The following CFAP90 variants were observed in gnomAD, a reference collection of about 807,000 sequenced individuals.
CFAP90 encodes the protein cilia- and flagella-associated protein 90.
the CFAP90 span, among the ~76,000 whole-genome samples, chr5:7,833,671 A>G: frequency 6.6e-6 from 1 of 152,216 alleles, no homozygotes; most frequent in Non-Finnish European, 1.5e-5. Context: ...GCCTATATAC[A>G]TGCATACACA....
chr5:7,846,334 AACAAAAT>A, the CFAP90 span, among the ~76,000 whole-genome samples: 1 of 152,190 alleles, frequency 6.6e-6, no homozygotes, highest in African/African-American at 2.4e-5. Flanking sequence ...AGGCTGCTAT[AACAAAAT>A]ACCCATACGC....
chr5:7,844,216 A>G, the CFAP90 span, among the ~76,000 whole-genome samples: 1 of 152,152 alleles, frequency 6.6e-6, no homozygotes, highest in Non-Finnish European at 1.5e-5. Flanking sequence ...AGGTCACTGG[A>G]GAGTGAAAAT....
the CFAP90 span, among the ~76,000 whole-genome samples, chr5:7,842,346 C>A: frequency 6.6e-6 from 1 of 151,394 alleles, no homozygotes; most frequent in African/African-American, 2.4e-5. Flanking sequence ...AAAATTAATA[C>A]CTTTTGTCAT....
chr5:7,844,777 C>T, the CFAP90 span, among the ~76,000 whole-genome samples: 742 of 152,246 alleles, frequency 4.9e-3, 8 homozygotes, highest in African/African-American at 0.017. Context: ...CTTCCCCACA[C>T]AGCCCCCTTG....
At chr5:7,834,877 A>G in the CFAP90 span, among the ~76,000 whole-genome samples, 1 of 152,112 alleles carries the variant, frequency 6.6e-6, no homozygotes, top group African/African-American at 2.4e-5. Flanking sequence ...CAGTGACAAG[A>G]TCACCTAGCA....
chr5:7,850,785 TGCCC>T, the CFAP90 span: 2 of 1,065,470 alleles, frequency 1.9e-6, no homozygotes, highest in Admixed American at 8.8e-5. Flanking sequence ...CGCCCGCCCC[TGCCC>T]AGCCGCCCAG....
the CFAP90 span, chr5:7,851,013 G>T: frequency 7.9e-7 from 1 of 1,261,216 alleles, no homozygotes; most frequent in Non-Finnish European, 1.0e-6. Context: ...CCTCCTCGTC[G>T]TCCTCCATGC....
At chr5:7,835,541 G>T in the CFAP90 span, 1 of 1,241,032 alleles carries the variant, frequency 8.1e-7, no homozygotes, top group Admixed American at 1.9e-5. Context: ...TAATTTGAAG[G>T]CTGGGTCATT....
chr5:7,846,131 C>T, the CFAP90 span, among the ~76,000 whole-genome samples: 1 of 152,126 alleles, frequency 6.6e-6, no homozygotes, highest in South Asian at 2.1e-4. Flanking sequence ...CATATAATAG[C>T]TCTATGAAAT....
chr5:7,844,226 T>C, the CFAP90 span, among the ~76,000 whole-genome samples: 56 of 152,170 alleles, frequency 3.7e-4, no homozygotes, highest in Non-Finnish European at 7.4e-4. Flanking sequence ...AGAGTGAAAA[T>C]GCAACTAGAG....
the CFAP90 span, chr5:7,831,146 G>GTTGGGTAAAA: frequency 3.9e-5 from 6 of 152,214 alleles, no homozygotes; most frequent in Admixed American, 3.9e-4. Context: ...TTTTACCCAA[G>GTTGGGTAAAA]TTTGTTGAAC....
the CFAP90 span, among the ~76,000 whole-genome samples, chr5:7,840,881 G>A: frequency 6.6e-6 from 1 of 152,136 alleles, no homozygotes; most frequent in African/African-American, 2.4e-5. Context: ...AGAGACACTG[G>A]GAGAAGATGG....
chr5:7,850,800 CCGCCCAGCCGCCCAGCCGCCCA>C, the CFAP90 span: 2 of 295,228 alleles, frequency 6.8e-6, no homozygotes, highest in Non-Finnish European at 8.4e-6. Context: ...AGCCGCCCAG[CCGCCCAGCCGCCCAGCCGCCCA>C]GCCGCCCAGC....
the CFAP90 span, among the ~76,000 whole-genome samples, chr5:7,848,380 A>G: frequency 6.6e-6 from 1 of 152,114 alleles, no homozygotes. Context: ...AGGAGCTATC[A>G]GATACCAGAG....
the CFAP90 span, among the ~76,000 whole-genome samples, chr5:7,848,328 C>G: frequency 6.6e-6 from 1 of 152,152 alleles, no homozygotes; most frequent in South Asian, 2.1e-4. Flanking sequence ...GCAAATGTCC[C>G]TTTTCCCCCT....
the CFAP90 span, chr5:7,850,782 C>A: frequency 2.6e-6 from 3 of 1,159,536 alleles, no homozygotes; most frequent in African/African-American, 1.7e-5. Flanking sequence ...GGCCGCCCGC[C>A]CCTGCCCAGC....
chr5:7,842,277 C>T, the CFAP90 span, among the ~76,000 whole-genome samples: 2 of 150,770 alleles, frequency 1.3e-5, no homozygotes, highest in African/African-American at 4.9e-5. Flanking sequence ...AATTCACTCT[C>T]CACCATAAGG....
the CFAP90 span, among the ~76,000 whole-genome samples, chr5:7,833,313 A>G: frequency 2.0e-5 from 3 of 152,202 alleles, no homozygotes; most frequent in Non-Finnish European, 2.9e-5. Flanking sequence ...ATGTACACAC[A>G]TGTACATGCA....
chr5:7,833,304 T>C, the CFAP90 span, among the ~76,000 whole-genome samples: 2 of 152,150 alleles, frequency 1.3e-5, no homozygotes, highest in Non-Finnish European at 2.9e-5. Context: ...TACACACATA[T>C]GTACACACAT....
Sources: allele counts gnomAD v4.1 joint callset (sites outside exome capture counted in the v4.1 genomes callset), GRCh38; gene constraint gnomAD v4.1.1; transcripts MANE v1.5; gene names NCBI Gene and HGNC (gene_info 2026-07-23, HGNC 2026-07-21).